B3GALNT1: variants seen among roughly 807,000 people sequenced by gnomAD.
B3GALNT1 encodes the protein UDP-GalNAc:beta-1,3-N-acetylgalactosaminyltransferase 1.
B3GALNT1 carries 17 observed loss-of-function variants against 27.3 expected under a neutral mutation model. That is an observed-to-expected ratio of 0.62 (90% confidence interval 0.43 to 0.94). The LOEUF (loss-of-function observed/expected upper bound fraction) is 0.94. Ranked by LOEUF, B3GALNT1 falls within the 40% of genes least tolerant of loss-of-function variation. The pLI, the probability that B3GALNT1 is intolerant of heterozygous loss-of-function variation, is 0.00. For synonymous variants in B3GALNT1, 141 were observed against 144.0 expected (o/e 0.98, Z 0.15); for missense variants, 347 against 390.0 (o/e 0.89, Z 0.93).
chr3:161,099,779 A>T (rs903591168), intron 4 of B3GALNT1, among the ~76,000 whole-genome samples: 2 of 152,002 alleles, frequency 1.3e-5, no homozygotes, highest in African/African-American at 4.8e-5. Flanking sequence ...AAACTCTACA[A>T]GTGAATACTA....
In B3GALNT1 at chr3:161,089,020, C is replaced by T. The variant is rs34026173; in HGVS notation, c.-34-2232G>A. Among the ~76,000 whole-genome samples, 1,448 of 152,208 alleles carry T rather than the reference C, an allele frequency of 9.5e-3. 14 individuals are homozygous for T. Among genetic ancestry groups the T allele is most frequent in the Admixed American group, 0.016 (242 of 15,282 alleles). ...AACTATCTAGTCCAAAAGCAAGGAACGGACTCTAAAGAACTGGCCAGAACA... is the reference window on the plus strand; with the variant it reads ...AACTATCTAGTCCAAAAGCAAGGAATGGACTCTAAAGAACTGGCCAGAACA... On this transcript the variant is annotated intron_variant, in intron 4 of 4. Transcript: ENST00000320474.
chr3:161,098,006 T>C (rs960306999), intron 4 of B3GALNT1, among the ~76,000 whole-genome samples: 1 of 152,168 alleles, frequency 6.6e-6, no homozygotes. Flanking sequence ...TCAGGGTAAA[T>C]AGGCTCACAT....
At chr3:161,094,135 G>A (rs1726827623) in intron 4 of B3GALNT1, among the ~76,000 whole-genome samples, 1 of 152,156 alleles carries the variant, frequency 6.6e-6, no homozygotes, top group East Asian at 1.9e-4. Flanking sequence ...CACATTCTTG[G>A]CTGCTAGATC....
Position 161,084,051 on chromosome 3 carries a change from C to T in B3GALNT1, c.*1708G>A, listed in dbSNP as rs981300750. ...AATGCACTAGGCTATGACATTAAAACGGCTAAAACATCATGAGGCAATAGA... is the reference window on the plus strand; with the variant it reads ...AATGCACTAGGCTATGACATTAAAATGGCTAAAACATCATGAGGCAATAGA... On this transcript the variant is annotated 3_prime_UTR_variant, in exon 5 of 5. Transcript: ENST00000320474. The T allele has an allele frequency of 3.9e-5, 6 of 152,130 alleles. No individual in the cohort carries two copies. Among genetic ancestry groups the T allele is most frequent in the South Asian group, 2.1e-4 (1 of 4,830 alleles). The allele number at this position is 152,130 out of a possible 1,614,324, so 9.4% of individuals were successfully genotyped here. A position where few individuals can be genotyped will look rare whatever the true frequency, so the allele number is the denominator to read the frequency against.
At chr3:161,095,338 C>T (rs540621338) in intron 4 of B3GALNT1, among the ~76,000 whole-genome samples, 46 of 152,284 alleles carry the variant, frequency 3.0e-4, no homozygotes, top group African/African-American at 1.0e-3. Context: ...CTATCACATC[C>T]CTCATTATTC....
At chr3:161,100,265 G>C (rs771127553) in intron 4 of B3GALNT1, among the ~76,000 whole-genome samples, 2 of 152,182 alleles carry the variant, frequency 1.3e-5, no homozygotes, top group Non-Finnish European at 2.9e-5. Flanking sequence ...TTTTAAGAAT[G>C]AATTTGAAGT....
At position 161,101,170 on chromosome 3, in the gene B3GALNT1, C is replaced by G; in HGVS notation, c.-66G>C. 1 of 1,289,802 alleles carries G rather than the reference C, an allele frequency of 7.8e-7. No individual in the cohort carries two copies. The allele number at this position is 1,289,802 out of a possible 1,614,324, so 79.9% of individuals were successfully genotyped here. A position where few individuals can be genotyped will look rare whatever the true frequency, so the allele number is the denominator to read the frequency against. The stretch of plus-strand genomic sequence containing the variant: ...ACTCGGGGTGAGTAGTCGGAGAGCA[C>G]CACGTGATAGAGCAGCCAGCGGGAA... On this transcript the variant is annotated 5_prime_UTR_variant, in exon 4 of 5. Transcript: ENST00000320474.
Position 161,105,239 on chromosome 3 carries a change from T to A in B3GALNT1, c.-313A>T, listed in dbSNP as rs1485604042. The stretch of plus-strand genomic sequence containing the variant: ...AGGGCCGCCCTTCTCACTCACCTCC[T>A]GTGCTCGGCGCGCACCCAGCTCGGA... On this transcript the variant is annotated 5_prime_UTR_variant, in exon 1 of 5. Coordinates refer to ENST00000320474, the MANE Select transcript of B3GALNT1 (RefSeq NM_003781.4). 3 of 152,330 alleles carry A rather than the reference T, an allele frequency of 2.0e-5. No homozygotes were observed. The highest frequency in any genetic ancestry group is 4.4e-5 in the Non-Finnish European group (3 of 68,118). 9.4% of individuals were successfully genotyped at this position (152,330 alleles called of 1,614,324 possible).
chr3:161,103,469 T>C lies in B3GALNT1; in HGVS notation c.-172A>G. 7.8e-7 allele frequency: 1 copy of C among 1,284,556 alleles called. No individual in the cohort carries two copies. The highest frequency in any genetic ancestry group is 1.0e-6 in the Non-Finnish European group (1 of 984,698). 79.6% of individuals were successfully genotyped at this position (1,284,556 alleles called of 1,614,324 possible). ...AAATTAAAGCTTAAGTTTTTTGTTGTTTTCTGTATTCCATGCTTAATTAAA... is the reference window on the plus strand; with the variant it reads ...AAATTAAAGCTTAAGTTTTTTGTTGCTTTCTGTATTCCATGCTTAATTAAA... On this transcript the variant is annotated 5_prime_UTR_variant, in exon 3 of 5. Coordinates refer to ENST00000320474, the MANE Select transcript of B3GALNT1 (RefSeq NM_003781.4).
chr3:161,105,337 G>C lies in B3GALNT1; in HGVS notation c.-411C>G, dbSNP rs1014438335. 6.6e-6 allele frequency: 1 copy of C among 151,948 alleles called. No individual in the cohort carries two copies. The highest frequency in any genetic ancestry group is 1.5e-5 in the Non-Finnish European group (1 of 67,966). 9.4% of individuals were successfully genotyped at this position (151,948 alleles called of 1,614,324 possible). A position where few individuals can be genotyped will look rare whatever the true frequency, so the allele number is the denominator to read the frequency against. On this transcript the variant is annotated 5_prime_UTR_variant, in exon 1 of 5. Coordinates refer to ENST00000320474, the MANE Select transcript of B3GALNT1 (RefSeq NM_003781.4). ...CCCGCATCCGCACGCACGGCCGGGC[G>C]CGCGCAGACCACGCGCCAGGGCCGC...
chr3:161,085,753 G>C lies in B3GALNT1; in HGVS notation c.*6C>G. 1 of 1,613,912 alleles carries C rather than the reference G, an allele frequency of 6.2e-7. No individual in the cohort carries two copies. The highest frequency in any genetic ancestry group is 8.5e-7 in the Non-Finnish European group (1 of 1,179,800). On this transcript the variant is annotated 3_prime_UTR_variant, in exon 5 of 5. Coordinates refer to ENST00000320474, the MANE Select transcript of B3GALNT1 (RefSeq NM_003781.4). The stretch of plus-strand genomic sequence containing the variant: ...TGTCCTTCTAGGCTTTTTGTAGAAT[G>C]TGAAGTTAATAATGGCATGTGGTGT...
At chr3:161,088,420 A>C (rs1231708598) in intron 4 of B3GALNT1, among the ~76,000 whole-genome samples, 2 of 152,200 alleles carry the variant, frequency 1.3e-5, no homozygotes, top group Admixed American at 1.3e-4. Flanking sequence ...AGTGCAAGAC[A>C]AAGGGAGGCC....
chr3:161,102,461 A>G lies in B3GALNT1; in HGVS notation c.-130+966T>C, dbSNP rs7627701. 7.4e-3 allele frequency among the ~76,000 whole-genome samples: 1,132 copies of G among 152,082 alleles called. 18 individuals are homozygous for G. Among genetic ancestry groups the G allele is most frequent in the African/African-American group, 0.026 (1,067 of 41,462 alleles). On this transcript the variant is annotated intron_variant, in intron 3 of 4. Coordinates refer to ENST00000320474, the MANE Select transcript of B3GALNT1 (RefSeq NM_003781.4). ...CCCCATGCTGATGCGCCCCCTACAA[A>G]CTGCCGTATTTCTAGCTCATCCTCT...
chr3:161,098,176 T>C (rs1729216732), intron 4 of B3GALNT1, among the ~76,000 whole-genome samples: 1 of 152,156 alleles, frequency 6.6e-6, no homozygotes, highest in Non-Finnish European at 1.5e-5. Context: ...GCACCAATAT[T>C]ATAACATTTA....
chr3:161,087,997 C>G (rs141372909), intron 4 of B3GALNT1, among the ~76,000 whole-genome samples: 2 of 152,264 alleles, frequency 1.3e-5, no homozygotes, highest in East Asian at 3.9e-4. Context: ...GAGGAGGCTG[C>G]TGGCAGGTGC....
At chr3:161,091,377 C>T (rs1261823430) in intron 4 of B3GALNT1, among the ~76,000 whole-genome samples, 2 of 152,212 alleles carry the variant, frequency 1.3e-5, no homozygotes, top group African/African-American at 4.8e-5. Context: ...TATCCACAGT[C>T]AACTACAGTC....
At chr3:161,099,869 A>T (rs1428921898) in intron 4 of B3GALNT1, among the ~76,000 whole-genome samples, 3 of 152,130 alleles carry the variant, frequency 2.0e-5, no homozygotes, top group Non-Finnish European at 2.9e-5. Flanking sequence ...CTGGAAAAGC[A>T]TCTGGGCAAA....
intron 4 of B3GALNT1, chr3:161,089,930 A>G: frequency 5.5e-6 from 1 of 181,648 alleles, no homozygotes; most frequent in Non-Finnish European, 1.2e-5. Context: ...TTAGCCAGGC[A>G]TGGTGGTGCG....
chr3:161,087,005 C>CAAA (rs1722404198), intron 4 of B3GALNT1, among the ~76,000 whole-genome samples: 2 of 152,136 alleles, frequency 1.3e-5, no homozygotes, highest in African/African-American at 4.8e-5. Context: ...AAGGTTAAAA[C>CAAA]ATATCCTTTG....
Sources: gnomAD v4.1 joint callset for allele counts (sites outside exome capture counted in the v4.1 genomes callset) on GRCh38, gnomAD v4.1.1 for gene constraint, MANE v1.5 for transcripts, NCBI Gene and HGNC (gene_info 2026-07-23, HGNC 2026-07-21) for gene names.